The following DLC1 variants were observed in gnomAD, a reference collection of about 807,000 sequenced individuals.
The protein encoded by DLC1 is DLC1 Rho GTPase activating protein, also known as rho GTPase-activating protein 7.
A neutral mutation model predicts 140.3 loss-of-function variants in DLC1; 54 were observed. The observed-to-expected ratio is 0.38, with a 90% confidence interval of 0.31 to 0.48. The LOEUF is 0.48. DLC1 is among the 20% of genes least tolerant of loss of function. The probability of loss-of-function intolerance (pLI) is 0.96; values close to 1 mark genes in which losing one functional copy is unlikely to be tolerated. For missense variants in DLC1, 2,536 were observed against 1,907.0 expected, an observed-to-expected ratio of 1.33 and a Z score of -6.14; for synonymous variants, 986 against 728.1, an observed-to-expected ratio of 1.35 and a Z score of -5.70.
At chr8:13,335,734 C>G (rs1387139768) in intron 4 of DLC1, among the ~76,000 whole-genome samples, 1 of 151,968 alleles carries the variant, frequency 6.6e-6, no homozygotes, top group East Asian at 1.9e-4. Flanking sequence ...ATGCTCAAGC[C>G]AAACCTGGAT....
At chr8:13,556,837 T>C (rs1027324899) in intron 1 of DLC1, among the ~76,000 whole-genome samples, 2 of 152,226 alleles carry the variant, frequency 1.3e-5, no homozygotes, top group African/African-American at 4.8e-5. Context: ...GACTATCAAA[T>C]GCATTATTTA....
intron 5 of DLC1, among the ~76,000 whole-genome samples, chr8:13,139,382 C>T (rs972648058): frequency 6.8e-6 from 1 of 146,526 alleles, no homozygotes; most frequent in Non-Finnish European, 1.5e-5. Flanking sequence ...ATCTAATTTT[C>T]AGATAATCTT....
intron 1 of DLC1, among the ~76,000 whole-genome samples, chr8:13,579,188 A>G (rs1804952647): frequency 7.2e-6 from 1 of 138,404 alleles, no homozygotes. Flanking sequence ...AGAACAAAAG[A>G]GTCTCCTAGC....
chr8:13,586,621 AC>A (rs1805327190), intron 1 of DLC1, among the ~76,000 whole-genome samples: 2 of 146,986 alleles, frequency 1.4e-5, no homozygotes, highest in African/African-American at 2.5e-5. Context: ...ACACACACAC[AC>A]ACACCTGCAT....
At chr8:13,089,668 C>G (rs946876140) in intron 15 of DLC1, among the ~76,000 whole-genome samples, 6 of 152,090 alleles carry the variant, frequency 3.9e-5, no homozygotes, top group Non-Finnish European at 5.9e-5. Context: ...GACATTTGCA[C>G]TCATTTCCAA....
At chr8:13,467,302 G>T (rs1231960284) in intron 2 of DLC1, among the ~76,000 whole-genome samples, 2 of 152,088 alleles carry the variant, frequency 1.3e-5, no homozygotes, top group Non-Finnish European at 2.9e-5. Context: ...TCCACTTCAA[G>T]TTGAAGAGAG....
Position 13,370,822 on chromosome 8 carries a change from G to A in DLC1, c.1314+22731C>T, listed in dbSNP as rs965831873. On this transcript the variant is annotated intron_variant, in intron 4 of 17. Coordinates refer to ENST00000276297, the MANE Select transcript of DLC1 (RefSeq NM_182643.3). ...CAATGCAAGGGAGACAGCCTCTCACGCAGTTTCTGGTGTTCAAACCCTCAT... is the reference window on the plus strand; with the variant it reads ...CAATGCAAGGGAGACAGCCTCTCACACAGTTTCTGGTGTTCAAACCCTCAT... Among the ~76,000 whole-genome samples, 4 of 152,106 alleles carry A rather than the reference G, an allele frequency of 2.6e-5. No homozygotes were observed. In the East Asian group the frequency reaches 5.8e-4, roughly 22 times the overall value.
At chr8:13,380,483 T>C (rs1263745163) in intron 4 of DLC1, among the ~76,000 whole-genome samples, 1 of 152,220 alleles carries the variant, frequency 6.6e-6, no homozygotes, top group Non-Finnish European at 1.5e-5. Context: ...ACTCTGCTTT[T>C]ATCAGGACAA....
chr8:13,429,146 T>G (rs1055184559), intron 2 of DLC1, among the ~76,000 whole-genome samples: 1 of 152,144 alleles, frequency 6.6e-6, no homozygotes, highest in African/African-American at 2.4e-5. Context: ...TAAGGTGTGG[T>G]TTATCAAACA....
At chr8:13,473,270 C>T (rs1239097785) in intron 2 of DLC1, among the ~76,000 whole-genome samples, 1 of 152,112 alleles carries the variant, frequency 6.6e-6, no homozygotes, top group Non-Finnish European at 1.5e-5. Context: ...TTAATTCCCA[C>T]ATGTTGTGGG....
At chr8:13,286,731 A>G (rs1340291858) in intron 5 of DLC1, among the ~76,000 whole-genome samples, 1 of 148,690 alleles carries the variant, frequency 6.7e-6, no homozygotes, top group East Asian at 2.0e-4. Context: ...AAAAAATAGA[A>G]AAAAAAAAAA....
chr8:13,144,766 T>A (rs555482105), intron 5 of DLC1, among the ~76,000 whole-genome samples: 9 of 152,068 alleles, frequency 5.9e-5, no homozygotes, highest in Admixed American at 5.2e-4. Flanking sequence ...CTCTGCCTCA[T>A]AAACAAATTA....
intron 5 of DLC1, among the ~76,000 whole-genome samples, chr8:13,203,105 G>A (rs1827485277): frequency 6.6e-6 from 1 of 152,142 alleles, no homozygotes; most frequent in African/African-American, 2.4e-5. Flanking sequence ...AACTAACCTT[G>A]CACACTTTAC....
chr8:13,341,909 AG>A (rs1181784734), intron 4 of DLC1: 1 of 152,196 alleles, frequency 6.6e-6, no homozygotes, highest in Non-Finnish European at 1.5e-5. Flanking sequence ...AATCAGCTGA[AG>A]AGTCTTTCAG....
At chr8:13,515,017 T>A (rs1434385837), upstream of DLC1, 1 of 187,306 alleles carries the variant, frequency 5.3e-6, no homozygotes, top group Non-Finnish European at 1.1e-5. Context: ...AGAACTCAAG[T>A]GAGTTTTGTC....
chr8:13,271,832 C>T (rs994122209), intron 5 of DLC1, among the ~76,000 whole-genome samples: 7 of 152,160 alleles, frequency 4.6e-5, no homozygotes, highest in African/African-American at 1.2e-4. Context: ...GTCACCACCA[C>T]GCCTGGCTAA....
intron 1 of DLC1, among the ~76,000 whole-genome samples, chr8:13,594,791 T>G (rs957343094): frequency 1.3e-5 from 2 of 152,018 alleles, no homozygotes; most frequent in East Asian, 3.9e-4. Flanking sequence ...TTGCAGAGGT[T>G]TTTTTTCAAG....
intron 1 of DLC1, among the ~76,000 whole-genome samples, chr8:13,531,059 C>T (rs1803079043): frequency 6.6e-6 from 1 of 151,954 alleles, no homozygotes; most frequent in Non-Finnish European, 1.5e-5. Context: ...GGAGGAGATC[C>T]CAGAGTTCTC....
At chr8:13,544,742 C>A (rs1415707430) in intron 1 of DLC1, among the ~76,000 whole-genome samples, 1 of 152,136 alleles carries the variant, frequency 6.6e-6, no homozygotes, top group Non-Finnish European at 1.5e-5. Context: ...AATATACAAT[C>A]CATTTTACAC....
Sources: allele counts gnomAD v4.1 joint callset (sites outside exome capture counted in the v4.1 genomes callset), GRCh38; gene constraint gnomAD v4.1.1; transcripts MANE v1.5; gene names NCBI Gene and HGNC (gene_info 2026-07-23, HGNC 2026-07-21).